ZBTB45: variants seen among roughly 807,000 people sequenced by gnomAD.
ZBTB45 encodes the protein zinc finger and BTB domain-containing protein 45.
ZBTB45 carries 22 observed loss-of-function variants against 28.4 expected under a neutral mutation model. That is an observed-to-expected ratio of 0.77 (90% CI 0.55 to 1.10). The LOEUF (loss-of-function observed/expected upper bound fraction) is 1.10, where lower values mean the gene tolerates loss of function less well. ZBTB45 is among the 50% of genes least tolerant of loss of function. The pLI is 0.00. For synonymous variants in ZBTB45, 361 were observed against 332.3 expected (o/e 1.09, Z -0.94); for missense variants, 656 against 750.2 (o/e 0.87, Z 1.47).
chr19:58,537,429 T>C (rs1296108912), intron 1 of ZBTB45, among the ~76,000 whole-genome samples: 2 of 152,214 alleles, frequency 1.3e-5, no homozygotes, highest in East Asian at 1.9e-4. Flanking sequence ...TGGACCTTGA[T>C]GGGCCACTGA....
chr19:58,526,868 C>T (rs2122587218), intron 1 of ZBTB45, among the ~76,000 whole-genome samples: 1 of 152,166 alleles, frequency 6.6e-6, no homozygotes, highest in South Asian at 2.1e-4. Context: ...CACTCTGTCG[C>T]CCAGCCTGGA....
chr19:58,526,411 T>C (rs1407678081), intron 1 of ZBTB45, among the ~76,000 whole-genome samples: 1 of 151,596 alleles, frequency 6.6e-6, no homozygotes, highest in Non-Finnish European at 1.5e-5. Flanking sequence ...GGTTTCACCA[T>C]GTTGGCCAGG....
upstream of ZBTB45, among the ~76,000 whole-genome samples, chr19:58,521,389 G>GA (rs2053577914): frequency 1.0e-5 from 1 of 96,188 alleles, no homozygotes; most frequent in South Asian, 3.3e-4. Flanking sequence ...AAAAAAGAAA[G>GA]AAAGAAAAGA....
upstream of ZBTB45, among the ~76,000 whole-genome samples, chr19:58,520,413 G>A (rs2053567774): frequency 6.6e-6 from 1 of 151,996 alleles, no homozygotes; most frequent in Admixed American, 6.6e-5. Context: ...TGGTATGGGG[G>A]ACAGAATTCC....
upstream of ZBTB45, among the ~76,000 whole-genome samples, chr19:58,524,685 C>T (rs969638126): frequency 3.9e-5 from 6 of 151,996 alleles, no homozygotes; most frequent in African/African-American, 1.4e-4. Flanking sequence ...AGATCGAGAC[C>T]ATCCTGGCTA....
chr19:58,536,082 G>A (rs2053658541), intron 1 of ZBTB45, among the ~76,000 whole-genome samples: 1 of 151,986 alleles, frequency 6.6e-6, no homozygotes, highest in African/African-American at 2.4e-5. Context: ...ACCAGAATTG[G>A]ATTTTTTTTT....
At chr19:58,518,720 A>G (rs559759636) in intron 1 of ZBTB45, among the ~76,000 whole-genome samples, 5 of 152,038 alleles carry the variant, frequency 3.3e-5, no homozygotes, top group Non-Finnish European at 7.4e-5. Flanking sequence ...TCTATCAAAC[A>G]AGGGATGAGA....
chr19:58,516,993 G>C lies in ZBTB45; in HGVS notation c.681C>G (p.Gly227=), dbSNP rs61735226. The change falls in exon 2 of 3, where the codon GGC becomes GGG. Residue 227 remains glycine (G), a synonymous_variant. Coordinates refer to ENST00000594051, the MANE Select transcript of ZBTB45 (RefSeq NM_001316979.2). This position sits in a 1 kb window ranked among gnomAD's most constrained non-coding sequence, Gnocchi z 6.2. ...AAGGAGGTGCCTGGCCCTCGCCTGG[G>C]CCGCCACCTTCGCCATCCTCGCCAT... ...ETDGEDGEGG[G]PGEGQAPPSF... is the part of the protein sequence containing the mutation. 1.4e-4 allele frequency: 220 copies of C among 1,613,188 alleles called. No individual in the cohort carries two copies. In the African/African-American group the frequency reaches 2.5e-3, roughly 19 times the overall value.
In ZBTB45 at chr19:58,517,641, G is replaced by A. The variant is rs757860217; in HGVS notation, c.33C>T (p.His11=). ...GCAGAGAGCGTGAGAAGTTCTGCAG[G>A]TGTATGTGATGCACAGCCTCTGCAG... MAAAEAVHHI[H]LQNFSRSLLE... Residue 11 remains histidine (H), a synonymous_variant, in exon 2 of 3, where the codon CAC becomes CAT. Coordinates refer to ENST00000594051, the MANE Select transcript of ZBTB45 (RefSeq NM_001316979.2). 1.2e-6 allele frequency: 2 copies of A among 1,613,848 alleles called. No homozygotes were observed. Among genetic ancestry groups the A allele is most frequent in the Non-Finnish European group, 1.7e-6 (2 of 1,179,944 alleles).
chr19:58,517,845 G>A (rs2053533345), intron 1 of ZBTB45, among the ~76,000 whole-genome samples, 172 bp from the exon 2 acceptor site: 1 of 151,636 alleles, frequency 6.6e-6, no homozygotes, highest in Non-Finnish European at 1.5e-5. Flanking sequence ...CCCAACACAG[G>A]ACACTCCAGC....
chr19:58,529,094 A>AAAAAAAAAAAAAAC (rs2053623053), intron 1 of ZBTB45, among the ~76,000 whole-genome samples: 1 of 151,468 alleles, frequency 6.6e-6, no homozygotes, highest in Non-Finnish European at 1.5e-5. Flanking sequence ...CAAAAAAAAA[A>AAAAAAAAAAAAAAC]AAAAAAAGAC....
chr19:58,523,192 T>G (rs2053587532), upstream of ZBTB45, among the ~76,000 whole-genome samples: 1 of 151,612 alleles, frequency 6.6e-6, no homozygotes. Flanking sequence ...CCAAGGGAGG[T>G]GAGAGCTGCA....
Position 58,514,261 on chromosome 19 carries a change from G to C in ZBTB45, c.1329C>G (p.Arg443=), listed in dbSNP as rs185984401. 1.4e-4 allele frequency: 228 copies of C among 1,611,276 alleles called. 3 individuals carry two copies. The East Asian group carries it at 4.7e-3, about 33-fold the overall frequency. Reference sequence around the variant, plus strand: ...TGACCATGTGTTTGAGCAGGTAGTCGCGTAGAGAGAAGGATCGCCAGCACA... The same window carrying C: ...TGACCATGTGTTTGAGCAGGTAGTCCCGTAGAGAGAAGGATCGCCAGCACA... ...CAVCWRSFSL[R]DYLLKHMVTH... Residue 443 remains arginine (R), a synonymous_variant, in exon 3 of 3, where the codon CGC becomes CGG. Transcript: ENST00000594051.
chr19:58,524,837 T>C (rs1297348476), intron 1 of ZBTB45, among the ~76,000 whole-genome samples: 15 of 150,158 alleles, frequency 1.0e-4, no homozygotes, highest in Non-Finnish European at 1.8e-4. Flanking sequence ...GAGCCGAGAT[T>C]GCGCCACTGC....
chr19:58,536,294 T>C (rs1174357439), intron 1 of ZBTB45, among the ~76,000 whole-genome samples: 1 of 151,670 alleles, frequency 6.6e-6, no homozygotes, highest in Non-Finnish European at 1.5e-5. Context: ...TGAAACCCCG[T>C]CTCCACTAAA....
intron 1 of ZBTB45, among the ~76,000 whole-genome samples, chr19:58,537,653 C>T (rs1233272772): frequency 6.6e-6 from 1 of 152,068 alleles, no homozygotes. Flanking sequence ...TTTGGGGCAG[C>T]CCCTAGGAGA....
upstream of ZBTB45, among the ~76,000 whole-genome samples, chr19:58,521,511 C>T (rs1360776238): frequency 7.9e-5 from 12 of 152,104 alleles, no homozygotes; most frequent in Non-Finnish European, 1.8e-4. Flanking sequence ...GTCCATACCA[C>T]ACCTTGATTT....
chr19:58,534,807 C>T (rs1311706872), intron 1 of ZBTB45, among the ~76,000 whole-genome samples: 2 of 151,540 alleles, frequency 1.3e-5, no homozygotes, highest in Non-Finnish European at 2.9e-5. Context: ...CCGCCCACCT[C>T]GGCCTGCCAA....
chr19:58,513,750 A>C lies in ZBTB45; in HGVS notation c.*304T>G. ...CAGGAGAGGGCGGGGTGAGAACCGGAGTCAAATCTTGGGCCGGGTCCAAGC... is the reference window on the plus strand; with the variant it reads ...CAGGAGAGGGCGGGGTGAGAACCGGCGTCAAATCTTGGGCCGGGTCCAAGC... On this transcript the variant is annotated 3_prime_UTR_variant, in exon 3 of 3. Coordinates refer to ENST00000594051, the MANE Select transcript of ZBTB45 (RefSeq NM_001316979.2). The C allele has an allele frequency of 6.5e-6, 2 of 310,052 alleles. No individual in the cohort carries two copies. Among genetic ancestry groups the C allele is most frequent in the Non-Finnish European group, 1.2e-5 (2 of 170,372 alleles). The allele number at this position is 310,052 out of a possible 1,614,324, so 19.2% of individuals were successfully genotyped here.
Sources: allele counts gnomAD v4.1 joint callset (sites outside exome capture counted in the v4.1 genomes callset), GRCh38; gene constraint gnomAD v4.1.1; non-coding constraint Gnocchi (gnomAD v3.1); transcripts MANE v1.5; gene names NCBI Gene and HGNC (gene_info 2026-07-23, HGNC 2026-07-21).